LRRTM4: variants seen among roughly 807,000 people sequenced by gnomAD.
The protein encoded by LRRTM4 is leucine rich repeat transmembrane neuronal 4.
A neutral mutation model predicts 47.6 loss-of-function variants in LRRTM4; 25 were observed. That is an observed-to-expected ratio of 0.53 (90% CI 0.38 to 0.73). The LOEUF (loss-of-function observed/expected upper bound fraction) is 0.73, where lower values mean the gene tolerates loss of function less well. Ranked by LOEUF, LRRTM4 falls within the 30% of genes least tolerant of loss-of-function variation. The pLI, the probability that LRRTM4 is intolerant of heterozygous loss-of-function variation, is 0.00. For synonymous variants in LRRTM4, 311 were observed against 269.5 expected (o/e 1.15, Z -1.51); for missense variants, 638 against 713.4 (o/e 0.89, Z 1.20).
chr2:77,517,978 C>T (rs1210061073), intron 3 of LRRTM4: 1 of 1,030,070 alleles, frequency 9.7e-7, no homozygotes, highest in Non-Finnish European at 1.2e-6. Context: ...ACACCAAGAA[C>T]CAGACAGAAA....
intron 3 of LRRTM4, among the ~76,000 whole-genome samples, chr2:77,044,983 T>A (rs1231621390): frequency 6.6e-6 from 1 of 151,832 alleles, no homozygotes; most frequent in Non-Finnish European, 1.5e-5. Context: ...GTAGTAGGAA[T>A]GCTGTAGTTA....
intron 3 of LRRTM4, among the ~76,000 whole-genome samples, chr2:77,234,869 G>A (rs115174819): frequency 0.013 from 2,027 of 152,150 alleles, 14 homozygotes; most frequent in Non-Finnish European, 0.021. Flanking sequence ...AATGAACCTG[G>A]TTTATCAACA....
chr2:77,166,215 A>C (rs1395395993), intron 3 of LRRTM4, among the ~76,000 whole-genome samples: 5 of 152,192 alleles, frequency 3.3e-5, no homozygotes, highest in African/African-American at 1.2e-4. Context: ...ACAATGCTTC[A>C]AAGAGAATAA....
chr2:77,405,478 T>C (rs1674148585), intron 3 of LRRTM4, among the ~76,000 whole-genome samples: 1 of 152,112 alleles, frequency 6.6e-6, no homozygotes, highest in Non-Finnish European at 1.5e-5. Flanking sequence ...AAAGTTAGCA[T>C]AAAACAAGGA....
chr2:77,037,956 T>C (rs1293549448), intron 3 of LRRTM4, among the ~76,000 whole-genome samples: 1 of 151,608 alleles, frequency 6.6e-6, no homozygotes, highest in Non-Finnish European at 1.5e-5. Context: ...CCAGTAAAAT[T>C]CTTAAGGAGC....
intron 3 of LRRTM4, among the ~76,000 whole-genome samples, chr2:77,043,714 G>A (rs1263697156): frequency 2.0e-5 from 3 of 151,710 alleles, no homozygotes; most frequent in African/African-American, 4.8e-5. Flanking sequence ...ATGATGAATC[G>A]GGACTAGTCT....
chr2:77,276,443 GA>G (rs1273497933), intron 3 of LRRTM4, among the ~76,000 whole-genome samples: 6 of 150,300 alleles, frequency 4.0e-5, no homozygotes, highest in Non-Finnish European at 7.4e-5. Flanking sequence ...GAAGAAAAAA[GA>G]AAGGAAAGAA....
intron 3 of LRRTM4, among the ~76,000 whole-genome samples, chr2:77,408,330 T>A (rs1190608848): frequency 6.6e-6 from 1 of 152,174 alleles, no homozygotes; most frequent in Non-Finnish European, 1.5e-5. Flanking sequence ...TAATTCTTTC[T>A]TAATAGCTCA....
intron 3 of LRRTM4, among the ~76,000 whole-genome samples, chr2:76,998,257 C>A (rs566654096): frequency 1.3e-5 from 2 of 152,110 alleles, no homozygotes; most frequent in East Asian, 3.9e-4. Context: ...TGCCTGCTAT[C>A]CCATTCAGCT....
intron 3 of LRRTM4, among the ~76,000 whole-genome samples, chr2:76,751,858 A>G (rs539842583): frequency 1.8e-4 from 27 of 152,280 alleles, no homozygotes; most frequent in African/African-American, 5.8e-4. Flanking sequence ...CCTAAGAGTA[A>G]TACAGCCCAT....
At chr2:77,049,741 G>T (rs149829884) in intron 3 of LRRTM4, among the ~76,000 whole-genome samples, 48 of 152,040 alleles carry the variant, frequency 3.2e-4, no homozygotes, top group African/African-American at 1.0e-3. Flanking sequence ...TCTGCAGGTT[G>T]TCTCTTTACT....
intron 3 of LRRTM4, among the ~76,000 whole-genome samples, chr2:76,831,364 G>A (rs531329149): frequency 3.3e-5 from 5 of 152,112 alleles, no homozygotes; most frequent in Non-Finnish European, 7.4e-5. Flanking sequence ...TTTGTGTTTT[G>A]AAAATAACAT....
intron 3 of LRRTM4, among the ~76,000 whole-genome samples, chr2:76,935,872 T>C (rs560300117): frequency 6.6e-6 from 1 of 152,162 alleles, no homozygotes; most frequent in African/African-American, 2.4e-5. Context: ...GAACTTCCAA[T>C]ATTATGTTGA....
At chr2:77,130,616 A>G (rs1038252360) in intron 3 of LRRTM4, among the ~76,000 whole-genome samples, 33 of 150,674 alleles carry the variant, frequency 2.2e-4, no homozygotes, top group African/African-American at 6.6e-4. Flanking sequence ...GGTTCACACC[A>G]TTCTCCTGCC....
intron 3 of LRRTM4, among the ~76,000 whole-genome samples, chr2:77,411,400 T>TCTTTCTTTCTC: frequency 6.6e-6 from 1 of 151,302 alleles, no homozygotes; most frequent in African/African-American, 2.4e-5. Context: ...CTTTCTTTCT[T>TCTTTCTTTCTC]CTTTATTTCT....
At chr2:77,249,478 A>T (rs1675543277) in intron 3 of LRRTM4, among the ~76,000 whole-genome samples, 1 of 114,330 alleles carries the variant, frequency 8.7e-6, no homozygotes, top group Non-Finnish European at 1.8e-5. Flanking sequence ...ATGCATTGTT[A>T]TTGAAAATAT....
rs7565144 is a variant in LRRTM4, at chr2:77,088,626, T to G, written c.1552-339710A>C. 3.3e-5 allele frequency among the ~76,000 whole-genome samples: 5 copies of G among 152,168 alleles called. No homozygotes were observed. The East Asian group carries it at 9.7e-4, about 29-fold the overall frequency. On this transcript the variant is annotated intron_variant, in intron 3 of 3. Coordinates refer to ENST00000409884, the MANE Select transcript of LRRTM4 (RefSeq NM_001134745.3). The stretch of plus-strand genomic sequence containing the variant: ...CACCCAGGTGAAATAAACAGCCATG[T>G]TGCTCACACAAAGCCTGTTTGGTGG...
chr2:77,296,312 A>G (rs548698622), intron 3 of LRRTM4, among the ~76,000 whole-genome samples: 3 of 152,332 alleles, frequency 2.0e-5, no homozygotes, highest in South Asian at 2.1e-4. Flanking sequence ...TAAAGTATCA[A>G]TGACATTAAA....
At chr2:77,371,718 C>CT (rs951899933) in intron 3 of LRRTM4, among the ~76,000 whole-genome samples, 10 of 151,612 alleles carry the variant, frequency 6.6e-5, no homozygotes, top group Admixed American at 1.3e-4. Context: ...AAATCTTCAA[C>CT]TTTTTTTTCT....
Sources: allele counts gnomAD v4.1 joint callset (sites outside exome capture counted in the v4.1 genomes callset), GRCh38; gene constraint gnomAD v4.1.1; transcripts MANE v1.5; gene names NCBI Gene and HGNC (gene_info 2026-07-23, HGNC 2026-07-21).